The following NBEA variants were observed in gnomAD, a reference collection of about 807,000 sequenced individuals.
The protein encoded by NBEA is lysosomal-trafficking regulator 2.
NBEA carries 44 observed loss-of-function variants against 343.4 expected under a neutral mutation model. The ratio of observed to expected loss-of-function variants is 0.13; its 90% confidence interval spans 0.10 to 0.16. The LOEUF is 0.16. Ranked by LOEUF, NBEA falls within the 10% of genes least tolerant of loss-of-function variation. NBEA has a pLI of 1.00. For synonymous variants in NBEA, 1,175 were observed against 1,238.7 expected (o/e 0.95, Z 1.08); for missense variants, 2,555 against 3,631.3 (o/e 0.70, Z 7.62).
intron 38 of NBEA, among the ~76,000 whole-genome samples, chr13:35,430,434 A>C (rs1179198807): frequency 6.6e-6 from 1 of 152,126 alleles, no homozygotes; most frequent in Non-Finnish European, 1.5e-5. Context: ...TGCAAAAGGA[A>C]GCTTTTTAGT....
chr13:35,440,449 GT>G (rs574666105), intron 39 of NBEA, among the ~76,000 whole-genome samples: 140 of 152,278 alleles, frequency 9.2e-4, no homozygotes, highest in African/African-American at 3.3e-3. Context: ...TATTAAAAAT[GT>G]TATGGGAGCT....
intron 1 of NBEA, among the ~76,000 whole-genome samples, chr13:34,968,548 C>G (rs558213614): frequency 6.6e-6 from 1 of 152,058 alleles, no homozygotes; most frequent in Non-Finnish European, 1.5e-5. Flanking sequence ...TTAAATTATA[C>G]GATAGGCAGC....
chr13:35,671,122 C>T lies in NBEA; in HGVS notation c.*131C>T. The stretch of plus-strand genomic sequence containing the variant: ...TACATTCCATCACACCCAGCAATAG[C>T]TGTACATTGTAGTCAGCAACCATTT... On this transcript the variant is annotated 3_prime_UTR_variant, in exon 59 of 59. Transcript: ENST00000379939. 1 of 631,284 alleles carries T rather than the reference C, an allele frequency of 1.6e-6. No homozygotes were observed. The highest frequency in any genetic ancestry group is 2.8e-6 in the Non-Finnish European group (1 of 357,524). The allele number at this position is 631,284 out of a possible 1,614,324, so 39.1% of individuals were successfully genotyped here.
intron 1 of NBEA, among the ~76,000 whole-genome samples, chr13:35,033,583 G>A (rs1254934240): frequency 6.6e-6 from 1 of 151,764 alleles, no homozygotes; most frequent in Non-Finnish European, 1.5e-5. Flanking sequence ...TGAATCTATA[G>A]ATTGCTTTGG....
chr13:35,131,608 C>T (rs1415597587), intron 17 of NBEA, among the ~76,000 whole-genome samples: 1 of 152,128 alleles, frequency 6.6e-6, no homozygotes, highest in Non-Finnish European at 1.5e-5. Context: ...ATGTTAGAAG[C>T]ATCCCCTTTG....
chr13:35,590,007 C>G (rs2081461240), intron 46 of NBEA, among the ~76,000 whole-genome samples: 1 of 152,108 alleles, frequency 6.6e-6, no homozygotes, highest in Admixed American at 6.6e-5. Context: ...TACATCTTAT[C>G]TCCCATGCCT....
intron 44 of NBEA, among the ~76,000 whole-genome samples, chr13:35,561,027 C>A (rs1039428750): frequency 1.3e-5 from 2 of 152,124 alleles, no homozygotes; most frequent in African/African-American, 4.8e-5. Context: ...GATGCTGATG[C>A]CATTGATCTA....
intron 1 of NBEA, among the ~76,000 whole-genome samples, chr13:34,956,202 T>C (rs991695791): frequency 1.3e-5 from 2 of 152,208 alleles, no homozygotes; most frequent in African/African-American, 2.4e-5. Context: ...AATGTAAAGA[T>C]GAATAGATGA....
intron 38 of NBEA, among the ~76,000 whole-genome samples, chr13:35,404,608 TG>T (rs2043172236): frequency 3.1e-5 from 2 of 64,234 alleles, no homozygotes; most frequent in African/African-American, 1.3e-4. Flanking sequence ...TGTTGTGGGG[TG>T]GGGGGAGGGG....
At chr13:35,379,560 C>T (rs1230326584) in intron 38 of NBEA, among the ~76,000 whole-genome samples, 2 of 152,054 alleles carry the variant, frequency 1.3e-5, no homozygotes, top group African/African-American at 4.8e-5. Flanking sequence ...TTAGTGATTT[C>T]TGTTTTTTGT....
intron 30 of NBEA, 98 bp downstream of exon 30, chr13:35,184,169 ATACC>A: frequency 2.4e-6 from 2 of 825,844 alleles, no homozygotes; most frequent in Non-Finnish European, 3.7e-6. Context: ...AAATAAGTAT[ATACC>A]TCAGGTTTCA....
intron 38 of NBEA, among the ~76,000 whole-genome samples, chr13:35,360,970 G>A (rs754035709): frequency 6.6e-6 from 1 of 151,994 alleles, no homozygotes; most frequent in Non-Finnish European, 1.5e-5. Context: ...ATCAAATTAG[G>A]TGGAAGATGT....
At chr13:35,234,528 A>T (rs777547187) in intron 34 of NBEA, among the ~76,000 whole-genome samples, 6 of 152,180 alleles carry the variant, frequency 3.9e-5, no homozygotes, top group Non-Finnish European at 7.3e-5. Flanking sequence ...ATTAAATAGG[A>T]TATGTGCTAT....
chr13:35,595,934 G>A lies in NBEA; in HGVS notation c.7296+2487G>A, dbSNP rs1444974047. Among the ~76,000 whole-genome samples, 3 of 151,920 alleles carry A rather than the reference G, an allele frequency of 2.0e-5. No homozygotes were observed. In the East Asian group the frequency reaches 5.8e-4, roughly 29 times the overall value. On this transcript the variant is annotated intron_variant, in intron 47 of 58. Coordinates refer to ENST00000379939, the MANE Select transcript of NBEA (RefSeq NM_001385012.1). ...ACATTTTTCATGTACTTATTGACCT[G>A]TACACTGACTCCTATCTATTGCTCA... is the stretch of plus-strand genomic sequence containing the variant.
chr13:35,652,898 G>C (rs1279702871), intron 53 of NBEA, among the ~76,000 whole-genome samples: 1 of 151,008 alleles, frequency 6.6e-6, no homozygotes, highest in African/African-American at 2.4e-5. Flanking sequence ...GTTTCACCGT[G>C]TTAGCCAGGA....
rs185144583 is a variant in NBEA at position 35,176,812 on chromosome 13, A to G, written c.4555-184A>G. On this transcript the variant is annotated intron_variant, in intron 27 of 58. Transcript: ENST00000379939. ...GCCAATAAAGAACAAGAATGCTAGT[A>G]TGGAAACCATGACATGAGTAGAGAG... 9.9e-5 allele frequency among the ~76,000 whole-genome samples: 15 copies of G among 152,088 alleles called. No individual in the cohort carries two copies. The East Asian group carries it at 2.5e-3, about 25-fold the overall frequency.
At chr13:35,246,557 C>T (rs1042584352) in intron 34 of NBEA, among the ~76,000 whole-genome samples, 46 of 152,058 alleles carry the variant, frequency 3.0e-4, no homozygotes, top group African/African-American at 1.0e-3. Context: ...TTTTTTCCCT[C>T]TGGATCCAGC....
chr13:35,107,742 T>G (rs1424608691), intron 11 of NBEA, among the ~76,000 whole-genome samples: 2 of 152,012 alleles, frequency 1.3e-5, no homozygotes, highest in Non-Finnish European at 2.9e-5. Context: ...ACATGTATAT[T>G]TTCTAAATGA....
chr13:35,184,092 T>G, intron 30 of NBEA, 21 bp downstream of exon 30: 1 of 1,520,054 alleles, frequency 6.6e-7, no homozygotes, highest in Non-Finnish European at 9.1e-7. Flanking sequence ...CCTCATCTCC[T>G]GACCTGTTTG....
Sources: gnomAD v4.1 joint callset for allele counts (sites outside exome capture counted in the v4.1 genomes callset) on GRCh38, gnomAD v4.1.1 for gene constraint, MANE v1.5 for transcripts, NCBI Gene and HGNC (gene_info 2026-07-23, HGNC 2026-07-21) for gene names.